NME8: variants seen among roughly 807,000 people sequenced by gnomAD.
The protein encoded by NME8 is protein NME8.
NME8 carries 72 observed loss-of-function variants against 82.3 expected under a neutral mutation model. That is an observed-to-expected ratio of 0.87 (90% CI 0.72 to 1.06). The LOEUF is 1.06. NME8 is among the 50% of genes least tolerant of loss of function. The pLI is 0.00. For missense variants in NME8, 712 were observed against 685.4 expected (o/e 1.04, Z -0.43); for synonymous variants, 267 against 228.5 (o/e 1.17, Z -1.52).
chr7:37,864,213 A>G, intron 8 of NME8, 135 bp from the exon 9 acceptor site: 1 of 1,079,626 alleles, frequency 9.3e-7, no homozygotes, highest in Non-Finnish European at 1.3e-6. Flanking sequence ...GAAATGCCGT[A>G]GTAAGATACA....
chr7:37,882,589 A>G (rs868065926), intron 12 of NME8, among the ~76,000 whole-genome samples: 2 of 52,282 alleles, frequency 3.8e-5, no homozygotes, highest in African/African-American at 7.3e-5. Context: ...GAAAGAAAGA[A>G]AGAAAGAAAG....
In NME8 at chr7:37,867,772, G is replaced by A. The variant is rs371890607; in HGVS notation, c.692G>A (p.Ser231Asn). The A allele has an allele frequency of 1.7e-5, 27 of 1,613,678 alleles. No homozygotes were observed. The African/African-American group carries it at 2.5e-4, about 15-fold the overall frequency. Residue 231 changes from serine to asparagine, a missense_variant, in exon 11 of 18, where the codon AGT becomes AAT. By Grantham distance (46) the Ser-to-Asn change is conservative. Coordinates refer to ENST00000199447, the MANE Select transcript of NME8 (RefSeq NM_016616.5). ...LSYILVVSQG[S>N]KHNPPSEETE... is the part of the protein sequence containing the mutation. ...TATATTCTAGTTGTATCTCAAGGAA[G>A]TAAACACAATCCTCCCTCTGAAGAA...
In NME8 at chr7:37,863,184, A is replaced by G. The variant is rs1296917372; in HGVS notation, c.388-212A>G. Among the ~76,000 whole-genome samples, 13 of 152,318 alleles carry G rather than the reference A, an allele frequency of 8.5e-5. No individual in the cohort carries two copies. In the East Asian group the frequency reaches 2.5e-3, roughly 29 times the overall value. On this transcript the variant is annotated intron_variant, in intron 7 of 17. Coordinates refer to ENST00000199447, the MANE Select transcript of NME8 (RefSeq NM_016616.5). ...TACCCTTTTCATACTGCACATATGC[A>G]TTATTCCTGCCCCTTCCATTTTAAA...
At chr7:37,882,526 G>A (rs1435836799) in intron 12 of NME8, among the ~76,000 whole-genome samples, 1 of 143,544 alleles carries the variant, frequency 7.0e-6, no homozygotes, top group African/African-American at 2.6e-5. Flanking sequence ...AAGGAAGGAA[G>A]GAGGGAGAGA....
chr7:37,898,882 A>T (rs62445992), intron 17 of NME8, among the ~76,000 whole-genome samples: 4,290 of 152,304 alleles, frequency 0.028, 100 homozygotes, highest in East Asian at 0.088. Context: ...AACCCCTGAC[A>T]TATTGCCAGG....
In NME8 at chr7:37,865,604, G is replaced by T. The variant is rs534679328; in HGVS notation, c.608G>T (p.Arg203Leu). The change falls in exon 10 of 18, where the codon CGA becomes CTA. Residue 203 changes from arginine (R) to leucine (L), a missense_variant. By Grantham distance (102) the Arg-to-Leu change is moderately radical. Coordinates refer to ENST00000199447, the MANE Select transcript of NME8 (RefSeq NM_016616.5). ...TEEQVVNFYSRIADQCDFEEF... is the reference protein window; with the variant it reads ...TEEQVVNFYSLIADQCDFEEF... ...GAACAAGTTGTCAACTTCTATAGTC[G>T]AATAGCAGACCAGGTATGAAAGTTA... 15 of 1,608,780 alleles carry T rather than the reference G, an allele frequency of 9.3e-6. No homozygotes were observed. In the East Asian group the frequency reaches 3.3e-4, roughly 36 times the overall value.
chr7:37,882,602 AG>A (rs760542067), intron 12 of NME8, among the ~76,000 whole-genome samples: 7,884 of 91,506 alleles, frequency 0.086, 367 homozygotes, highest in South Asian at 0.14. Context: ...AAAGAAAGAG[AG>A]AGAGAGAGAG....
At chr7:37,882,599 G>GAAAGAA (rs1374421441) in intron 12 of NME8, among the ~76,000 whole-genome samples, 1,618 of 39,306 alleles carry the variant, frequency 0.041, 19 homozygotes, top group East Asian at 0.079. Flanking sequence ...AAGAAAGAAA[G>GAAAGAA]AGAGAGAGAG....
intron 12 of NME8, among the ~76,000 whole-genome samples, chr7:37,881,106 C>T (rs1289826524): frequency 6.6e-6 from 1 of 152,126 alleles, no homozygotes; most frequent in African/African-American, 2.4e-5. Flanking sequence ...TGAAGAACAA[C>T]AATAGTTTCA....
Position 37,852,964 on chromosome 7 carries a change from G to A in NME8, c.198+2229G>A, listed in dbSNP as rs78747806. Among the ~76,000 whole-genome samples the A allele has an allele frequency of 4.2e-4, 64 of 152,300 alleles. 1 individual carries two copies. In the East Asian group the frequency reaches 0.011, roughly 27 times the overall value. On this transcript the variant is annotated intron_variant, in intron 5 of 17. Transcript: ENST00000199447. ...TTGCATTCTTACCAACAATGAATGA[G>A]AGTTTCTGTTGGTCCACATTCTCAC...
intron 11 of NME8, among the ~76,000 whole-genome samples, chr7:37,870,627 G>A (rs906632648): frequency 4.0e-5 from 6 of 151,890 alleles, no homozygotes; most frequent in Non-Finnish European, 8.8e-5. Flanking sequence ...ATTTGTGTTG[G>A]GCCACATTCA....
chr7:37,853,914 A>G (rs1256785764), intron 5 of NME8, among the ~76,000 whole-genome samples: 1 of 150,816 alleles, frequency 6.6e-6, no homozygotes, highest in African/African-American at 2.4e-5. Context: ...AGTGTTTATT[A>G]TAGTTACTGT....
chr7:37,852,563 C>T, intron 5 of NME8, among the ~76,000 whole-genome samples: 1 of 152,148 alleles, frequency 6.6e-6, no homozygotes. Flanking sequence ...ATAGTTTTCC[C>T]TTTTCCAGAA....
chr7:37,850,064 G>A (rs1157822958), intron 2 of NME8, among the ~76,000 whole-genome samples, 196 bp from the exon 3 acceptor site: 2 of 152,006 alleles, frequency 1.3e-5, no homozygotes, highest in African/African-American at 4.8e-5. Flanking sequence ...ATTATGCATG[G>A]CATGCCTGTA....
At position 37,900,082 on chromosome 7, in the gene NME8, CT is replaced by C. The variant is rs148461278; in HGVS notation, c.*16-161del. ...TCATTGCTCTGTAAATGTTTGATGA[CT>C]GCTTACTTGCTCAGTCAGGCTGTCT... On this transcript the variant is annotated intron_variant, in intron 17 of 17. Transcript: ENST00000199447. Among the ~76,000 whole-genome samples the C allele has an allele frequency of 3.9e-4, 59 of 152,300 alleles. No individual in the cohort carries two copies. In the East Asian group the frequency reaches 0.01, roughly 26 times the overall value.
chr7:37,867,854 C>G lies in NME8; in HGVS notation c.774C>G (p.Val258=). The change falls in exon 11 of 18, where the codon GTC becomes GTG. Residue 258 remains valine (V), a synonymous_variant. Transcript: ENST00000199447. ...PNERSEDQPE[V]EAQVTPGMMK... ...AACGATCTGAGGATCAACCTGAGGT[C>G]GAAGCCCAGGTTACACCTGGAATGA... is the stretch of plus-strand genomic sequence containing the variant. The G allele has an allele frequency of 1.2e-6, 2 of 1,613,754 alleles. No homozygotes were observed. Among genetic ancestry groups the G allele is most frequent in the Non-Finnish European group, 1.7e-6 (2 of 1,179,836 alleles).
At chr7:37,857,816 G>A (rs1267879546) in intron 6 of NME8, among the ~76,000 whole-genome samples, 2 of 152,176 alleles carry the variant, frequency 1.3e-5, no homozygotes, top group African/African-American at 2.4e-5. Context: ...AGTTTTCTAT[G>A]TGTGAGGAAC....
chr7:37,850,779 T>G (rs752971479), intron 5 of NME8, 44 bp downstream of exon 5: 1 of 1,199,668 alleles, frequency 8.3e-7, no homozygotes, highest in Non-Finnish European at 1.2e-6. Flanking sequence ...CACATTATAT[T>G]AAGTTTTTAA....
intron 11 of NME8, among the ~76,000 whole-genome samples, chr7:37,875,781 C>A (rs1784838575): frequency 6.6e-6 from 1 of 151,766 alleles, no homozygotes; most frequent in African/African-American, 2.4e-5. Context: ...AAAATTGTGG[C>A]CCCACCAACA....
Sources: gnomAD v4.1 joint callset for allele counts (sites outside exome capture counted in the v4.1 genomes callset) on GRCh38, gnomAD v4.1.1 for gene constraint, MANE v1.5 for transcripts, NCBI Gene and HGNC (gene_info 2026-07-23, HGNC 2026-07-21) for gene names.